Variants in FOXA3 observed in about 807,000 individuals in gnomAD.
FOXA3 encodes forkhead box A3.
FOXA3 carries 11 observed loss-of-function variants against 16.9 expected under a neutral mutation model. The observed-to-expected ratio is 0.65, with a 90% CI of 0.41 to 1.08. The LOEUF is 1.08. Ranked by LOEUF, FOXA3 falls within the 50% of genes least tolerant of loss-of-function variation. The probability of loss-of-function intolerance (pLI) is 0.00; values close to 1 mark genes in which losing one functional copy is unlikely to be tolerated. For synonymous variants in FOXA3, 217 were observed against 203.3 expected (o/e 1.07, Z -0.57); for missense variants, 423 against 470.1 (o/e 0.90, Z 0.93).
In FOXA3 at chr19:45,873,440, C is replaced by CCT; in HGVS notation, c.*382_*383insCT. The CCT allele has an allele frequency of 3.6e-6, 1 of 277,840 alleles. No homozygotes were observed. Among genetic ancestry groups the CCT allele is most frequent in the Admixed American group, 4.8e-5 (1 of 20,932 alleles). The allele number at this position is 277,840 out of a possible 1,614,324, so 17.2% of individuals were successfully genotyped here. ...CACTTCTTTTTTGGTGTACTTGGCACAGTAGGTGCCAAGTTGGCCACCATT... is the reference window on the plus strand; with the variant it reads ...CACTTCTTTTTTGGTGTACTTGGCACCTAGTAGGTGCCAAGTTGGCCACCATT... On this transcript the variant is annotated 3_prime_UTR_variant, in exon 2 of 2. Coordinates refer to ENST00000302177, the MANE Select transcript of FOXA3 (RefSeq NM_004497.3).
intron 1 of FOXA3, among the ~76,000 whole-genome samples, chr19:45,871,165 A>G (rs765499927): frequency 5.3e-5 from 8 of 152,220 alleles, no homozygotes; most frequent in Non-Finnish European, 1.2e-4. Context: ...AGTATTTACA[A>G]TTAAAACTGA....
In FOXA3 at chr19:45,872,381, A is replaced by G. The variant is rs760803594; in HGVS notation, c.376A>G (p.Ile126Val). The change falls in exon 2 of 2, where the codon ATC becomes GTC. Residue 126 changes from isoleucine (I) to valine (V), a missense_variant. Around this residue, in one of 3 missense-constraint regions of FOXA3, gnomAD observed 85 missense variants for 136.9 expected, o/e 0.62. Transcript: ENST00000302177. This position sits in a 1 kb window ranked among gnomAD's most constrained non-coding sequence, Gnocchi z 4.5. ...AKPPYSYISL[I>V]TMAIQQAPGK... Reference sequence around the variant, plus strand: ...GCCACCGTATTCCTATATCTCACTCATCACCATGGCCATCCAGCAGGCGCC... The same window carrying G: ...GCCACCGTATTCCTATATCTCACTCGTCACCATGGCCATCCAGCAGGCGCC... 6.2e-7 allele frequency: 1 copy of G among 1,614,182 alleles called. No homozygotes were observed. The highest frequency in any genetic ancestry group is 1.7e-5 in the Admixed American group (1 of 60,028).
At chr19:45,870,772 G>A (rs1040993610) in intron 1 of FOXA3, among the ~76,000 whole-genome samples, 2 of 151,792 alleles carry the variant, frequency 1.3e-5, no homozygotes, top group African/African-American at 2.4e-5. Flanking sequence ...GTTTTGCCAC[G>A]TTGCCAGGCT....
Position 45,872,842 on chromosome 19 carries a change from C to T in FOXA3, c.837C>T (p.Ser279=), listed in dbSNP as rs1344308525. The change falls in exon 2 of 2, where the codon TCC becomes TCT. Residue 279 remains serine (S), a synonymous_variant. Transcript: ENST00000302177. This position sits in a 1 kb window ranked among gnomAD's most constrained non-coding sequence, Gnocchi z 4.5. ...GALDCGSPAS[S]TPYFTGLELP... Reference sequence around the variant, plus strand: ...TGGACTGTGGCTCACCCGCTTCCTCCACACCCTATTTCACTGGCCTGGAGC... The same window carrying T: ...TGGACTGTGGCTCACCCGCTTCCTCTACACCCTATTTCACTGGCCTGGAGC... 14 of 1,613,536 alleles carry T rather than the reference C, an allele frequency of 8.7e-6. No homozygotes were observed. Among genetic ancestry groups the T allele is most frequent in the African/African-American group, 2.7e-5 (2 of 74,924 alleles).
Position 45,872,360 on chromosome 19 carries a change from C to A in FOXA3, c.355C>A (p.Pro119Thr), listed in dbSNP as rs964128363. 2 of 1,614,110 alleles carry A rather than the reference C, an allele frequency of 1.2e-6. No individual in the cohort carries two copies. The highest frequency in any genetic ancestry group is 2.7e-5 in the African/African-American group (2 of 74,940). ...GCGGCCCCTGGCACACGCCAAGCCA[C>A]CGTATTCCTATATCTCACTCATCAC... ...YRRPLAHAKP[P>T]YSYISLITMA... is the part of the protein sequence containing the mutation. Residue 119 changes from proline to threonine, a missense_variant, in exon 2 of 2, where the codon CCG becomes ACG. By Grantham distance (38) the Pro-to-Thr change is conservative (BLOSUM62 -1). Transcript: ENST00000302177. This position sits in a 1 kb window ranked among gnomAD's most constrained non-coding sequence, Gnocchi z 4.5.
At chr19:45,869,542 C>T (rs1307190352) in intron 1 of FOXA3, among the ~76,000 whole-genome samples, 2 of 152,142 alleles carry the variant, frequency 1.3e-5, no homozygotes, top group Admixed American at 6.5e-5. Flanking sequence ...TTCCATTGAC[C>T]TAGGATGCAC....
At chr19:45,865,330 C>G (rs1209768755) in intron 1 of FOXA3, among the ~76,000 whole-genome samples, 1 of 152,160 alleles carries the variant, frequency 6.6e-6, no homozygotes, top group Non-Finnish European at 1.5e-5. Context: ...AAATTCCCAT[C>G]CAGTCTCACC....
In FOXA3 at chr19:45,872,061, C is replaced by T; in HGVS notation, c.70-14C>T. On this transcript the variant is annotated splice_polypyrimidine_tract_variant and intron_variant, in intron 1 of 1. Coordinates refer to ENST00000302177, the MANE Select transcript of FOXA3 (RefSeq NM_004497.3). This position sits in a 1 kb window ranked among gnomAD's most constrained non-coding sequence, Gnocchi z 4.5. ...GTGGAGCCCCACTGACCCCTCCTTTCATCTTTCCCCTAGGTCTACTCGCCG... is the reference window on the plus strand; with the variant it reads ...GTGGAGCCCCACTGACCCCTCCTTTTATCTTTCCCCTAGGTCTACTCGCCG... The T allele has an allele frequency of 1.9e-6, 3 of 1,611,440 alleles. No individual in the cohort carries two copies. Among genetic ancestry groups the T allele is most frequent in the Non-Finnish European group, 2.5e-6 (3 of 1,178,558 alleles).
intron 1 of FOXA3, among the ~76,000 whole-genome samples, chr19:45,866,478 A>G (rs141878854): frequency 1.9e-4 from 29 of 152,218 alleles, no homozygotes; most frequent in African/African-American, 6.0e-4. Context: ...TGGGAGAGTC[A>G]GTATTTGGAG....
chr19:45,865,410 T>A (rs1972075494), intron 1 of FOXA3, among the ~76,000 whole-genome samples: 1 of 152,050 alleles, frequency 6.6e-6, no homozygotes, highest in Non-Finnish European at 1.5e-5. Flanking sequence ...AGACAGAAAG[T>A]CCTTCCTCAA....
rs1405426085 is a variant in FOXA3 at position 45,872,108 on chromosome 19, GC to G, written c.109del (p.Leu37SerfsTer5). 3 of 1,607,672 alleles carry G rather than the reference GC, an allele frequency of 1.9e-6. No individual in the cohort carries two copies. Among genetic ancestry groups the G allele is most frequent in the Non-Finnish European group, 1.7e-6 (2 of 1,176,852 alleles). On this transcript the variant is annotated frameshift_variant, in exon 2 of 2. Coordinates refer to ENST00000302177, the MANE Select transcript of FOXA3 (RefSeq NM_004497.3). LOFTEE classifies it high-confidence loss of function. This position sits in a 1 kb window ranked among gnomAD's most constrained non-coding sequence, Gnocchi z 4.5. ...YSPVTPVPTM[A>X]PLNSYMTLNP... ...GCCGGTGACCCCAGTGCCCACCATG[GC>G]CCCCCTCAACTCCTACATGACCCTG...
rs374364567 is a variant in FOXA3, at chr19:45,872,986, C to T, written c.981C>T (p.Tyr327=). The T allele has an allele frequency of 1.4e-4, 228 of 1,613,724 alleles. 1 individual carries two copies. The East Asian group carries it at 4.1e-3, about 29-fold the overall frequency. The change falls in exon 2 of 2, where the codon TAC becomes TAT. Residue 327 remains tyrosine, a synonymous_variant. Coordinates refer to ENST00000302177, the MANE Select transcript of FOXA3 (RefSeq NM_004497.3). This position sits in a 1 kb window ranked among gnomAD's most constrained non-coding sequence, Gnocchi z 4.5. ...AACTGGACGTGGGGTTTGGGGGCTA[C>T]GGGGCTGAAGGTGGGGAGCCTGGAG... The part of the protein sequence containing the change: ...PPKLDVGFGG[Y]GAEGGEPGVY...
chr19:45,865,389 C>G (rs926553568), intron 1 of FOXA3, among the ~76,000 whole-genome samples: 2 of 152,116 alleles, frequency 1.3e-5, no homozygotes, highest in Non-Finnish European at 2.9e-5. Flanking sequence ...TTCTAATCCC[C>G]TCACCTGGAC....
chr19:45,866,295 T>C (rs555124753), intron 1 of FOXA3, among the ~76,000 whole-genome samples: 20 of 152,044 alleles, frequency 1.3e-4, no homozygotes, highest in African/African-American at 4.6e-4. Flanking sequence ...TAGTCTAAGC[T>C]ACTTGGTTGG....
In FOXA3 at chr19:45,872,767, G is replaced by C; in HGVS notation, c.762G>C (p.Pro254=). 1 of 1,609,514 alleles carries C rather than the reference G, an allele frequency of 6.2e-7. No homozygotes were observed. Among genetic ancestry groups the C allele is most frequent in the South Asian group, 1.1e-5 (1 of 90,886 alleles). ...CAGTCACCTCCCCGCCCCAGCCCCC[G>C]CCTCCAGCCCCTGAGCCTGAGGCCC... ...AATVTSPPQP[P]PPAPEPEAQG... is the part of the protein sequence containing the mutation. The change falls in exon 2 of 2, where the codon CCG becomes CCC. Residue 254 remains proline (P), a synonymous_variant. Transcript: ENST00000302177. The surrounding 1 kb of genome is among the most constrained non-coding windows in gnomAD (Gnocchi z 4.5).
Position 45,864,342 on chromosome 19 carries a change from G to A in FOXA3, c.-115G>A. 3.4e-6 allele frequency: 3 copies of A among 875,826 alleles called. No homozygotes were observed. Among genetic ancestry groups the A allele is most frequent in the Non-Finnish European group, 4.6e-6 (3 of 647,516 alleles). The allele number at this position is 875,826 out of a possible 1,614,324, so 54.3% of individuals were successfully genotyped here. A position where few individuals can be genotyped will look rare whatever the true frequency, so the allele number is the denominator to read the frequency against. On this transcript the variant is annotated 5_prime_UTR_variant, in exon 1 of 2. Transcript: ENST00000302177. ...GCGGCGCTCGGGACAGCCGTACCCC[G>A]GGCGGTCGGACGGGCGGGCGCCGGT...
In FOXA3 at chr19:45,873,098, A is replaced by T. The variant is rs892430820; in HGVS notation, c.*40A>T. 3 of 1,557,688 alleles carry T rather than the reference A, an allele frequency of 1.9e-6. No individual in the cohort carries two copies. The African/African-American group carries it at 4.1e-5, about 21-fold the overall frequency. On this transcript the variant is annotated 3_prime_UTR_variant, in exon 2 of 2. Coordinates refer to ENST00000302177, the MANE Select transcript of FOXA3 (RefSeq NM_004497.3). ...ATGGTGGTGGGTATGGCTGGAGCTCACACCACGAAGCTCTTGGGGCCTGAT... is the reference window on the plus strand; with the variant it reads ...ATGGTGGTGGGTATGGCTGGAGCTCTCACCACGAAGCTCTTGGGGCCTGAT...
At chr19:45,866,095 C>A (rs1207472652) in intron 1 of FOXA3, among the ~76,000 whole-genome samples, 2 of 151,986 alleles carry the variant, frequency 1.3e-5, no homozygotes, top group Admixed American at 1.3e-4. Context: ...GTTTAGGGGA[C>A]AATTTGTATG....
In FOXA3 at chr19:45,872,152, C is replaced by T; in HGVS notation, c.147C>T (p.Pro49=). ...TGACCCTGAATCCTCTAAGCTCTCC[C>T]TATCCCCCTGGGGGGCTCCCTGCCT... is the stretch of plus-strand genomic sequence containing the variant. The part of the protein sequence containing the change: ...SYMTLNPLSS[P]YPPGGLPASP... The change falls in exon 2 of 2, where the codon CCC becomes CCT. Residue 49 remains proline (P), a synonymous_variant. Transcript: ENST00000302177. The surrounding 1 kb of genome is among the most constrained non-coding windows in gnomAD (Gnocchi z 4.5). The T allele has an allele frequency of 6.3e-7, 1 of 1,592,558 alleles. No individual in the cohort carries two copies. The highest frequency in any genetic ancestry group is 8.5e-7 in the Non-Finnish European group (1 of 1,169,612).
Sources: gnomAD v4.1 joint callset for allele counts (sites outside exome capture counted in the v4.1 genomes callset) on GRCh38, gnomAD v4.1.1 for gene constraint, gnomAD v4.1.1 regional missense constraint, Gnocchi (gnomAD v3.1) non-coding constraint, MANE v1.5 for transcripts, NCBI Gene and HGNC (gene_info 2026-07-23, HGNC 2026-07-21) for gene names.